Variants in SETBP1 observed in about 807,000 individuals in gnomAD.
The protein encoded by SETBP1 is SET-binding protein.
A neutral mutation model predicts 101.0 loss-of-function variants in SETBP1; 9 were observed. That is an observed-to-expected ratio of 0.09 (90% CI 0.05 to 0.16). The LOEUF is 0.16. Ranked by LOEUF, SETBP1 falls within the 10% of genes least tolerant of loss-of-function variation. The probability of loss-of-function intolerance (pLI) is 1.00; values close to 1 mark genes in which losing one functional copy is unlikely to be tolerated. For missense variants in SETBP1, 1,858 were observed against 2,033.8 expected, an observed-to-expected ratio of 0.91 and a Z score of 1.66; for synonymous variants, 818 against 788.5, an observed-to-expected ratio of 1.04 and a Z score of -0.63.
chr18:44,730,345 G>A lies in SETBP1; in HGVS notation c.486+28513G>A, dbSNP rs139179234. ...GCTGTCAGATACTGGGGAGGTAAGA[G>A]TTTGCTGGAGTCCTTGGGATGCAAT... On this transcript the variant is annotated intron_variant, in intron 2 of 5. Coordinates refer to ENST00000649279, the MANE Select transcript of SETBP1 (RefSeq NM_015559.3). Among the ~76,000 whole-genome samples, 283 of 152,324 alleles carry A rather than the reference G, an allele frequency of 1.9e-3. 2 individuals carry two copies. The highest frequency in any genetic ancestry group is 3.4e-3 in the Middle Eastern group (1 of 294).
intron 2 of SETBP1, among the ~76,000 whole-genome samples, chr18:44,813,830 C>A (rs1263283431): frequency 6.6e-6 from 1 of 152,142 alleles, no homozygotes; most frequent in African/African-American, 2.4e-5. Context: ...ACTAATGGAC[C>A]ACATCTGTTT....
chr18:44,763,133 T>G (rs540767501), intron 2 of SETBP1, among the ~76,000 whole-genome samples: 19 of 152,230 alleles, frequency 1.2e-4, no homozygotes, highest in African/African-American at 4.3e-4. Flanking sequence ...GCCTAAAAAT[T>G]AAATAGAGAT....
At chr18:44,824,690 T>G (rs1485035439) in intron 2 of SETBP1, among the ~76,000 whole-genome samples, 1 of 152,160 alleles carries the variant, frequency 6.6e-6, no homozygotes, top group African/African-American at 2.4e-5. Flanking sequence ...CTTTTGGCTG[T>G]CTCCTCTTTT....
intron 3 of SETBP1, chr18:44,871,992 C>A (rs147157832): frequency 6.6e-6 from 1 of 152,212 alleles, no homozygotes; most frequent in South Asian, 2.1e-4. Flanking sequence ...CACCCTGACT[C>A]TTCTACCTCC....
At chr18:44,947,540 C>G (rs573897194) in intron 3 of SETBP1, among the ~76,000 whole-genome samples, 6 of 148,748 alleles carry the variant, frequency 4.0e-5, no homozygotes, top group Admixed American at 1.3e-4. Context: ...CTCTTATTGC[C>G]CAGGTGCCCA....
chr18:44,684,261 C>T (rs538614638), intron 1 of SETBP1, among the ~76,000 whole-genome samples: 1 of 152,174 alleles, frequency 6.6e-6, no homozygotes, highest in Non-Finnish European at 1.5e-5. Flanking sequence ...AGGTGTTTTA[C>T]AAACTCTTCA....
chr18:44,752,196 A>G (rs1295827745), intron 2 of SETBP1, among the ~76,000 whole-genome samples: 5 of 152,232 alleles, frequency 3.3e-5, no homozygotes, highest in Non-Finnish European at 5.9e-5. Flanking sequence ...TATGTATTCA[A>G]TGAATTACCC....
At chr18:44,876,998 G>A in intron 3 of SETBP1, 7 of 1,208,624 alleles carry the variant, frequency 5.8e-6, no homozygotes, top group Non-Finnish European at 6.2e-6. Flanking sequence ...GTCTTCCAGG[G>A]CAGGCTTGAT....
chr18:44,856,790 C>T (rs2072985888), intron 2 of SETBP1, among the ~76,000 whole-genome samples: 1 of 152,162 alleles, frequency 6.6e-6, no homozygotes, highest in African/African-American at 2.4e-5. Context: ...AGAGAATGGC[C>T]ACTGCTGTTA....
chr18:45,038,389 C>T, intron 4 of SETBP1, 96 bp from the exon 5 acceptor site: 1 of 1,128,152 alleles, frequency 8.9e-7, no homozygotes. Flanking sequence ...GTGTTCAAAT[C>T]ATTTGACCAT....
At chr18:44,897,267 C>T (rs551862779) in intron 3 of SETBP1, among the ~76,000 whole-genome samples, 5 of 152,142 alleles carry the variant, frequency 3.3e-5, no homozygotes, top group Non-Finnish European at 5.9e-5. Flanking sequence ...CCCTATCCCA[C>T]GCTGTCAGCT....
At chr18:44,858,309 G>A (rs1462063677) in intron 2 of SETBP1, among the ~76,000 whole-genome samples, 5 of 152,346 alleles carry the variant, frequency 3.3e-5, no homozygotes, top group East Asian at 1.9e-4. Context: ...TGGCAGGACC[G>A]AATCCTGGCA....
intron 2 of SETBP1, among the ~76,000 whole-genome samples, chr18:44,856,504 T>G (rs1368390214): frequency 6.6e-6 from 1 of 152,252 alleles, no homozygotes; most frequent in Non-Finnish European, 1.5e-5. Flanking sequence ...TTTTGAAATG[T>G]TTCTAGGTTG....
intron 2 of SETBP1, among the ~76,000 whole-genome samples, chr18:44,705,372 A>G (rs2069196675): frequency 2.0e-5 from 3 of 152,130 alleles, no homozygotes; most frequent in African/African-American, 7.2e-5. Flanking sequence ...AGATTCAACT[A>G]TTTACTCTCT....
intron 2 of SETBP1, among the ~76,000 whole-genome samples, chr18:44,821,008 T>G (rs1383237276): frequency 6.6e-6 from 1 of 152,218 alleles, no homozygotes; most frequent in East Asian, 1.9e-4. Flanking sequence ...GGTAAGGATC[T>G]TGCTCCCCAC....
chr18:44,843,893 T>A (rs528066318), intron 2 of SETBP1, among the ~76,000 whole-genome samples: 81 of 152,244 alleles, frequency 5.3e-4, no homozygotes, highest in Middle Eastern at 3.4e-3. Flanking sequence ...TTTATCAGAG[T>A]GTCCTCCCAA....
At chr18:44,717,023 C>T (rs952592989) in intron 2 of SETBP1, among the ~76,000 whole-genome samples, 1 of 152,222 alleles carries the variant, frequency 6.6e-6, no homozygotes, top group African/African-American at 2.4e-5. Context: ...TTCCCCACAA[C>T]CGCAATGTGA....
chr18:44,746,932 G>T (rs1416056911), intron 2 of SETBP1, among the ~76,000 whole-genome samples: 1 of 152,206 alleles, frequency 6.6e-6, no homozygotes, highest in African/African-American at 2.4e-5. Flanking sequence ...AACAGGTAGG[G>T]TGTGCTATGG....
chr18:45,005,908 A>AGTGC (rs2072715135), intron 4 of SETBP1, among the ~76,000 whole-genome samples: 1 of 141,102 alleles, frequency 7.1e-6, no homozygotes, highest in Non-Finnish European at 1.5e-5. Flanking sequence ...AGCCTCCCAA[A>AGTGC]GTGCTGGGAT....
Sources: gnomAD v4.1 joint callset for allele counts (sites outside exome capture counted in the v4.1 genomes callset) on GRCh38, gnomAD v4.1.1 for gene constraint, MANE v1.5 for transcripts, NCBI Gene and HGNC (gene_info 2026-07-23, HGNC 2026-07-21) for gene names.